PPIP5K2: variants seen among roughly 807,000 people sequenced by gnomAD.
The protein encoded by PPIP5K2 is inositol hexakisphosphate and diphosphoinositol-pentakisphosphate kinase 2.
In PPIP5K2, 105 loss-of-function variants were observed where a neutral mutation model predicts 154.6. That is an observed-to-expected ratio of 0.68 (90% CI 0.58 to 0.80). The LOEUF is 0.80. Among genes scored for constraint, PPIP5K2 ranks in the 30% least tolerant of loss-of-function variants. The probability of loss-of-function intolerance (pLI) is 0.00; values close to 1 mark genes in which losing one functional copy is unlikely to be tolerated. For synonymous variants in PPIP5K2, 480 were observed against 490.3 expected (o/e 0.98, Z 0.28); for missense variants, 992 against 1,504.6 (o/e 0.66, Z 5.64).
Position 103,177,792 on chromosome 5 carries a change from T to G in PPIP5K2, c.2637+18T>G. 1 of 1,598,226 alleles carries G rather than the reference T, an allele frequency of 6.3e-7. No homozygotes were observed. Among genetic ancestry groups the G allele is most frequent in the Admixed American group, 1.7e-5 (1 of 59,540 alleles). On this transcript the variant is annotated intron_variant, in intron 22 of 30. Coordinates refer to ENST00000358359, the MANE Select transcript of PPIP5K2 (RefSeq NM_001276277.3). ...CTAATAAGGTAAACAGAGCTCTTGA[T>G]TTGTGTTTTACCAGACATAAATAAA...
chr5:103,163,164 A>G (rs1325606490), intron 17 of PPIP5K2, among the ~76,000 whole-genome samples: 1 of 73,438 alleles, frequency 1.4e-5, no homozygotes, highest in Admixed American at 1.7e-4. Context: ...GGATTTTTTT[A>G]TTTAGGTTGT....
chr5:103,173,063 A>G, intron 19 of PPIP5K2, 92 bp from the exon 20 acceptor site: 1 of 1,035,056 alleles, frequency 9.7e-7, no homozygotes, highest in Non-Finnish European at 1.3e-6. Context: ...TTGATAAAAT[A>G]TTTGTCTCTC....
intron 1 of PPIP5K2, among the ~76,000 whole-genome samples, chr5:103,125,030 G>A (rs1296493639): frequency 6.6e-6 from 1 of 152,170 alleles, no homozygotes; most frequent in African/African-American, 2.4e-5. Flanking sequence ...GTTTTGTAGA[G>A]GAGTATCTAT....
chr5:103,134,536 G>A (rs1170973357), intron 3 of PPIP5K2, among the ~76,000 whole-genome samples: 1 of 152,158 alleles, frequency 6.6e-6, no homozygotes, highest in African/African-American at 2.4e-5. Context: ...ATTTCATAGA[G>A]AAGTCAAGAC....
At chr5:103,162,544 G>A (rs782453799) in intron 17 of PPIP5K2, among the ~76,000 whole-genome samples, 8 of 151,588 alleles carry the variant, frequency 5.3e-5, no homozygotes, top group Non-Finnish European at 1.2e-4. Context: ...TTAAATTTTT[G>A]TAGAGACTGG....
chr5:103,150,843 C>CTTTTTTTTTTTTTTTTTTTTTTT (rs377739666), intron 8 of PPIP5K2, among the ~76,000 whole-genome samples: 1 of 68,066 alleles, frequency 1.5e-5, no homozygotes, highest in Non-Finnish European at 2.7e-5. Flanking sequence ...GTCCATCCTC[C>CTTTTTTTTTTTTTTTTTTTTTTT]TTTTTTTTTT....
At chr5:103,165,682 C>T (rs1797017041) in intron 17 of PPIP5K2, among the ~76,000 whole-genome samples, 1 of 151,974 alleles carries the variant, frequency 6.6e-6, no homozygotes, top group African/African-American at 2.4e-5. Context: ...GAACAGTTTC[C>T]CGAAGAAATC....
rs146586227 is a variant in PPIP5K2, at chr5:103,170,009, G to A, written c.2286+1714G>A. ...ATAACCATGTCTGTGCCATTGCATT[G>A]CTTATTTAATCTCACCCCTCTACTG... On this transcript the variant is annotated intron_variant, in intron 19 of 30. Transcript: ENST00000358359. Among the ~76,000 whole-genome samples, 16 of 151,464 alleles carry A rather than the reference G, an allele frequency of 1.1e-4. 1 individual carries two copies. The East Asian group carries it at 3.1e-3, about 29-fold the overall frequency.
Position 103,209,758 on chromosome 5 carries a change from G to T in PPIP5K2, c.*8124G>T, listed in dbSNP as rs1004589868. On this transcript the variant is annotated 3_prime_UTR_variant, in exon 31 of 31. Transcript: ENST00000358359. ...ATAAAGGTGGGTGGGTGGATGGATGGATGGATGAATGAAGGAAAAATTAGG... is the reference window on the plus strand; with the variant it reads ...ATAAAGGTGGGTGGGTGGATGGATGTATGGATGAATGAAGGAAAAATTAGG... 6.6e-6 allele frequency: 1 copy of T among 152,150 alleles called. No individual in the cohort carries two copies. Among genetic ancestry groups the T allele is most frequent in the African/African-American group, 2.4e-5 (1 of 41,436 alleles). The allele number at this position is 152,150 out of a possible 1,614,324, so 9.4% of individuals were successfully genotyped here.
Position 103,173,193 on chromosome 5 carries a change from CA to C in PPIP5K2, c.2328del (p.Gly777AlafsTer23), listed in dbSNP as rs1554219997. ...CTAAAGCTGAAAAACTGGAGATTGC[CA>C]AAGGCTACTGTACTCCTCTGGTTAG... ...ITKAEKLEIAKGYCTPLVRKI... is the reference protein window; with the variant it reads ...ITKAEKLEIAXGYCTPLVRKI... On this transcript the variant is annotated frameshift_variant, in exon 20 of 31. Coordinates refer to ENST00000358359, the MANE Select transcript of PPIP5K2 (RefSeq NM_001276277.3). LOFTEE classifies it high-confidence loss of function. The C allele has an allele frequency of 1.2e-6, 2 of 1,609,054 alleles. No individual in the cohort carries two copies. The highest frequency in any genetic ancestry group is 1.7e-6 in the Non-Finnish European group (2 of 1,177,478).
At chr5:103,126,586 A>G (rs552653013) in intron 1 of PPIP5K2, among the ~76,000 whole-genome samples, 1 of 152,266 alleles carries the variant, frequency 6.6e-6, no homozygotes, top group Non-Finnish European at 1.5e-5. Context: ...GATCGATCAC[A>G]AGGTCCCACA....
At chr5:103,154,641 G>A (rs1011917829) in intron 11 of PPIP5K2, 29 bp from the exon 12 acceptor site, 2 of 1,304,958 alleles carry the variant, frequency 1.5e-6, no homozygotes, top group Non-Finnish European at 2.2e-6. Flanking sequence ...TATTGCAAGT[G>A]ACTAACAGTG....
chr5:103,185,466 C>G (rs1337631093), intron 26 of PPIP5K2, among the ~76,000 whole-genome samples: 2 of 152,044 alleles, frequency 1.3e-5, no homozygotes, highest in Non-Finnish European at 2.9e-5. Flanking sequence ...TACCTACATA[C>G]TTGAGGATCT....
intron 5 of PPIP5K2, 50 bp from the exon 6 acceptor site, chr5:103,146,477 T>A: frequency 6.4e-7 from 1 of 1,572,150 alleles, no homozygotes; most frequent in Non-Finnish European, 8.7e-7. Context: ...GGTGTCCTGA[T>A]AATATAATAA....
At chr5:103,182,951 A>G (rs1188205587) in intron 24 of PPIP5K2, among the ~76,000 whole-genome samples, 1 of 152,230 alleles carries the variant, frequency 6.6e-6, no homozygotes, top group Admixed American at 6.5e-5. Flanking sequence ...ATGAAGCAGT[A>G]TAAGTATTTT....
At chr5:103,137,821 ATG>A (rs1791802096) in intron 4 of PPIP5K2, among the ~76,000 whole-genome samples, 1 of 152,164 alleles carries the variant, frequency 6.6e-6, no homozygotes, top group African/African-American at 2.4e-5. Context: ...ATTCATATAT[ATG>A]TGTTTTTATA....
chr5:103,145,599 G>T (rs552089017), intron 5 of PPIP5K2, among the ~76,000 whole-genome samples: 1 of 152,104 alleles, frequency 6.6e-6, no homozygotes, highest in East Asian at 1.9e-4. Flanking sequence ...AACATGGATG[G>T]AACTGGAGGT....
rs1421769918 is a variant in PPIP5K2 at position 103,209,906 on chromosome 5, T to A, written c.*8272T>A. On this transcript the variant is annotated 3_prime_UTR_variant, in exon 31 of 31. Coordinates refer to ENST00000358359, the MANE Select transcript of PPIP5K2 (RefSeq NM_001276277.3). ...TGGAAGTCATATCATTACGACTTTT[T>A]TTTCATGCCACATAGATATGCTGAT... 6.6e-6 allele frequency: 1 copy of A among 152,122 alleles called. No individual in the cohort carries two copies. Among genetic ancestry groups the A allele is most frequent in the Non-Finnish European group, 1.5e-5 (1 of 68,008 alleles). The allele number at this position is 152,122 out of a possible 1,614,324, so 9.4% of individuals were successfully genotyped here.
At chr5:103,130,101 C>A (rs1023691909) in intron 2 of PPIP5K2, among the ~76,000 whole-genome samples, 1 of 152,178 alleles carries the variant, frequency 6.6e-6, no homozygotes, top group East Asian at 1.9e-4. Context: ...CATTAAGCTT[C>A]TGTTACCAAT....
Sources: gnomAD v4.1 joint callset for allele counts (sites outside exome capture counted in the v4.1 genomes callset) on GRCh38, gnomAD v4.1.1 for gene constraint, MANE v1.5 for transcripts, NCBI Gene and HGNC (gene_info 2026-07-23, HGNC 2026-07-21) for gene names.